KIAA0513: variants seen among roughly 807,000 people sequenced by gnomAD.
The protein encoded by KIAA0513 is KIAA0513.
In KIAA0513, 39 loss-of-function variants were observed where a neutral mutation model predicts 56.5. That is an observed-to-expected ratio of 0.69 (90% CI 0.53 to 0.90). The LOEUF is 0.90. KIAA0513 is among the 40% of genes least tolerant of loss of function. The pLI, the probability that KIAA0513 is intolerant of heterozygous loss-of-function variation, is 0.00. For synonymous variants in KIAA0513, 268 were observed against 215.6 expected, an observed-to-expected ratio of 1.24 and a Z score of -2.13; for missense variants, 591 against 535.2, an observed-to-expected ratio of 1.10 and a Z score of -1.03.
chr16:85,055,767 T>G (rs905376771), intron 1 of KIAA0513, among the ~76,000 whole-genome samples: 2 of 152,164 alleles, frequency 1.3e-5, no homozygotes, highest in African/African-American at 4.8e-5. Flanking sequence ...CCCCAGCCTG[T>G]TATCTTGGTT....
At chr16:85,062,182 C>T (rs938935382) in intron 1 of KIAA0513, among the ~76,000 whole-genome samples, 15 of 150,714 alleles carry the variant, frequency 1.0e-4, no homozygotes, top group African/African-American at 3.7e-4. Context: ...ACTCTATCTT[C>T]CCCTCTCCCT....
At chr16:85,028,728 G>C (rs2072922553) in intron 1 of KIAA0513, among the ~76,000 whole-genome samples, 1 of 151,942 alleles carries the variant, frequency 6.6e-6, no homozygotes, top group African/African-American at 2.4e-5. Flanking sequence ...GCACTAGCCA[G>C]GTCCTATTCC....
At chr16:85,070,009 A>G (rs2144029122) in intron 2 of KIAA0513, among the ~76,000 whole-genome samples, 1 of 151,806 alleles carries the variant, frequency 6.6e-6, no homozygotes, top group African/African-American at 2.4e-5. Flanking sequence ...TACAAAAAAA[A>G]AAACCACAAA....
chr16:85,074,371 T>TA (rs2073626322), intron 4 of KIAA0513, among the ~76,000 whole-genome samples: 1 of 151,382 alleles, frequency 6.6e-6, no homozygotes, highest in African/African-American at 2.4e-5. Context: ...CACATATATA[T>TA]TTAGTAGAGA....
In KIAA0513 at chr16:85,091,664, G is replaced by C. The variant is rs1271712896; in HGVS notation, c.*3339G>C. 2 of 152,160 alleles carry C rather than the reference G, an allele frequency of 1.3e-5. No individual in the cohort carries two copies. Among genetic ancestry groups the C allele is most frequent in the South Asian group, 2.1e-4 (1 of 4,826 alleles). The allele number at this position is 152,160 out of a possible 1,614,324, so 9.4% of individuals were successfully genotyped here. A position where few individuals can be genotyped will look rare whatever the true frequency, so the allele number is the denominator to read the frequency against. On this transcript the variant is annotated 3_prime_UTR_variant, in exon 13 of 13. Transcript: ENST00000683363. Reference sequence around the variant, plus strand: ...CCTTCCTGTGAGTTGAAACCAAACAGGCCTCTCGCTCACTCCTCCCAGCCC... The same window carrying C: ...CCTTCCTGTGAGTTGAAACCAAACACGCCTCTCGCTCACTCCTCCCAGCCC...
intron 10 of KIAA0513, 67 bp from the exon 11 acceptor site, chr16:85,086,577 A>G: frequency 6.7e-7 from 1 of 1,490,408 alleles, no homozygotes; most frequent in Non-Finnish European, 9.3e-7. Flanking sequence ...GGGTCAGAAC[A>G]GGGCGAGGAG....
chr16:85,079,397 G>T, intron 8 of KIAA0513: 1 of 207,462 alleles, frequency 4.8e-6, no homozygotes. Flanking sequence ...CACCTTCATG[G>T]CTGTCCAGTG....
chr16:85,074,263 C>A (rs954602379), intron 4 of KIAA0513, among the ~76,000 whole-genome samples: 2 of 151,826 alleles, frequency 1.3e-5, no homozygotes, highest in Non-Finnish European at 2.9e-5. Flanking sequence ...GAGTGAGCCA[C>A]CACACCTGGC....
At chr16:85,069,284 C>T (rs749048399) in intron 2 of KIAA0513, among the ~76,000 whole-genome samples, 29 of 151,586 alleles carry the variant, frequency 1.9e-4, no homozygotes, top group Non-Finnish European at 3.4e-4. Context: ...AGTCATAGCT[C>T]ACCACAGCCT....
chr16:85,028,653 T>A (rs2072921537), intron 1 of KIAA0513, among the ~76,000 whole-genome samples: 2 of 150,962 alleles, frequency 1.3e-5, no homozygotes, highest in South Asian at 4.2e-4. Context: ...TGTGCTTTCC[T>A]GGGTTGCAGG....
chr16:85,075,452 G>T (rs2073642472), intron 4 of KIAA0513, among the ~76,000 whole-genome samples: 1 of 152,210 alleles, frequency 6.6e-6, no homozygotes, highest in African/African-American at 2.4e-5. Flanking sequence ...ATGCGGGGAA[G>T]GTCATCCAGC....
In KIAA0513 at chr16:85,091,597, C is replaced by G. The variant is rs536228301; in HGVS notation, c.*3272C>G. The G allele has an allele frequency of 6.6e-6, 1 of 152,180 alleles. No homozygotes were observed. Among genetic ancestry groups the G allele is most frequent in the Non-Finnish European group, 1.5e-5 (1 of 68,036 alleles). 9.4% of individuals were successfully genotyped at this position (152,180 alleles called of 1,614,324 possible). On this transcript the variant is annotated 3_prime_UTR_variant, in exon 13 of 13. Coordinates refer to ENST00000683363, the MANE Select transcript of KIAA0513 (RefSeq NM_001388359.1). ...TTGGGTTTAAAACCAGCACCGAGGC[C>G]CAGTGGGGGAATCACAGACATCACC...
intron 1 of KIAA0513, among the ~76,000 whole-genome samples, chr16:85,031,306 C>T (rs185558802): frequency 1.3e-3 from 195 of 152,170 alleles, no homozygotes; most frequent in African/African-American, 4.5e-3. Flanking sequence ...CATGGCAAAA[C>T]CCCGTCTTTA....
At chr16:85,083,439 G>C (rs142154521) in intron 10 of KIAA0513, among the ~76,000 whole-genome samples, 1 of 152,296 alleles carries the variant, frequency 6.6e-6, no homozygotes, top group Non-Finnish European at 1.5e-5. Flanking sequence ...GCTTTCAAAG[G>C]AGGACTTAGG....
Position 85,078,448 on chromosome 16 carries a change from C to G in KIAA0513, c.816C>G (p.Pro272=), listed in dbSNP as rs2073692125. The G allele has an allele frequency of 1.2e-6, 2 of 1,613,654 alleles. No homozygotes were observed. The highest frequency in any genetic ancestry group is 1.7e-6 in the Non-Finnish European group (2 of 1,180,028). The change falls in exon 7 of 13, where the codon CCC becomes CCG. Residue 272 remains proline (P), a synonymous_variant. Coordinates refer to ENST00000683363, the MANE Select transcript of KIAA0513 (RefSeq NM_001388359.1). ...AGAACAAACCCCAGGAGAAGCGGCC[C>G]AGGGCTGGTGAGTCTGCCCAGGCAG... The part of the protein sequence containing the change: ...EDENKPQEKR[P]RAVTAYSPED...
At chr16:85,034,859 C>T (rs2073013306) in intron 1 of KIAA0513, among the ~76,000 whole-genome samples, 1 of 152,192 alleles carries the variant, frequency 6.6e-6, no homozygotes, top group Non-Finnish European at 1.5e-5. Context: ...GGGGCAGCGC[C>T]AGCACATGGG....
intron 2 of KIAA0513, among the ~76,000 whole-genome samples, chr16:85,067,760 A>G (rs1008077923): frequency 6.6e-6 from 1 of 151,984 alleles, no homozygotes; most frequent in African/African-American, 2.4e-5. Flanking sequence ...GGTCCCCATC[A>G]TCCCCGTGAG....
intron 1 of KIAA0513, among the ~76,000 whole-genome samples, chr16:85,060,591 C>G (rs888941633): frequency 1.5e-4 from 23 of 152,160 alleles, no homozygotes; most frequent in African/African-American, 5.1e-4. Context: ...GTAATCCCAG[C>G]ACTTTGGGAG....
intron 5 of KIAA0513, 30 bp downstream of exon 5, chr16:85,075,944 C>A (rs1235971162): frequency 6.5e-7 from 1 of 1,527,814 alleles, no homozygotes; most frequent in Non-Finnish European, 9.1e-7. Flanking sequence ...ATGTGGGGCT[C>A]ACCTGAGGCT....
Sources: gnomAD v4.1 joint callset for allele counts (sites outside exome capture counted in the v4.1 genomes callset) on GRCh38, gnomAD v4.1.1 for gene constraint, MANE v1.5 for transcripts, NCBI Gene and HGNC (gene_info 2026-07-23, HGNC 2026-07-21) for gene names.